Variants in GPD2 observed in about 807,000 individuals in gnomAD.
GPD2 encodes the protein glycerol-3-phosphate dehydrogenase, mitochondrial.
Under a neutral mutation model 82.4 loss-of-function variants are expected in GPD2, and 54 were observed. The observed-to-expected ratio is 0.66, with a 90% CI of 0.53 to 0.82. The LOEUF (loss-of-function observed/expected upper bound fraction) is 0.82. Ranked by LOEUF, GPD2 falls within the 40% of genes least tolerant of loss-of-function variation. The pLI is 0.00. For missense variants in GPD2, 748 were observed against 896.2 expected (o/e 0.83, Z 2.11); for synonymous variants, 288 against 306.1 (o/e 0.94, Z 0.62).
At chr2:156,476,394 T>A (rs1189647979) in intron 2 of GPD2, among the ~76,000 whole-genome samples, 187 bp downstream of exon 2, 3 of 152,238 alleles carry the variant, frequency 2.0e-5, no homozygotes, top group African/African-American at 7.2e-5. Context: ...TCTCCTTTTT[T>A]AAAAAGTGAA....
chr2:156,412,872 G>A, the GPD2 span, among the ~76,000 whole-genome samples: 4 of 152,112 alleles, frequency 2.6e-5, no homozygotes, highest in African/African-American at 9.7e-5. Flanking sequence ...TGAGACAGGT[G>A]GATCAATTAA....
At chr2:156,420,310 T>C in the GPD2 span, among the ~76,000 whole-genome samples, 3 of 152,128 alleles carry the variant, frequency 2.0e-5, no homozygotes, top group Non-Finnish European at 4.4e-5. Flanking sequence ...TGGCTGGGAC[T>C]ACAGGTGTGT....
At position 156,513,559 on chromosome 2, in the gene GPD2, G is replaced by C. The variant is rs1044238852; in HGVS notation, c.661+63G>C. The C allele has an allele frequency of 7.8e-6, 10 of 1,282,394 alleles. No individual in the cohort carries two copies. In the East Asian group the frequency reaches 2.1e-4, roughly 27 times the overall value. The allele number at this position is 1,282,394 out of a possible 1,614,324, so 79.4% of individuals were successfully genotyped here. On this transcript the variant is annotated intron_variant, in intron 6 of 16. Transcript: ENST00000438166. ...TTTTCTCTCACTCATGACCCGTATA[G>C]TGTATTCTTAAGGAGATAGTTTTGC...
intron 3 of GPD2, among the ~76,000 whole-genome samples, chr2:156,504,960 A>G (rs1460474110): frequency 6.6e-6 from 1 of 152,058 alleles, no homozygotes; most frequent in Non-Finnish European, 1.5e-5. Flanking sequence ...GTTTTATTTT[A>G]TTCTCTTTGC....
chr2:156,568,697 G>T lies in GPD2; in HGVS notation c.1166-128G>T, dbSNP rs1687479744. 6.5e-6 allele frequency: 5 copies of T among 764,478 alleles called. No homozygotes were observed. In the Admixed American group the frequency reaches 8.0e-5, roughly 12 times the overall value. The allele number at this position is 764,478 out of a possible 1,614,324, so 47.4% of individuals were successfully genotyped here. A position where few individuals can be genotyped will look rare whatever the true frequency, so the allele number is the denominator to read the frequency against. On this transcript the variant is annotated intron_variant, in intron 9 of 16. Coordinates refer to ENST00000438166, the MANE Select transcript of GPD2 (RefSeq NM_000408.5). ...CCACAAACTTAGTTCTCATCTTTAGGCTTTCTCTCCTTTTTAAAGTGCACA... is the reference window on the plus strand; with the variant it reads ...CCACAAACTTAGTTCTCATCTTTAGTCTTTCTCTCCTTTTTAAAGTGCACA...
chr2:156,557,319 T>C, intron 8 of GPD2, 70 bp from the exon 9 acceptor site: 6 of 935,772 alleles, frequency 6.4e-6, no homozygotes, highest in Non-Finnish European at 1.0e-5. Flanking sequence ...GAATAAATAG[T>C]TTTTCGAATG....
At chr2:156,444,410 T>G (rs1682282253) in intron 1 of GPD2, among the ~76,000 whole-genome samples, 1 of 152,200 alleles carries the variant, frequency 6.6e-6, no homozygotes, top group South Asian at 2.1e-4. Flanking sequence ...GCTGGGATAC[T>G]TATCTAAAAA....
rs1271921662 is a variant in GPD2 at position 156,586,378 on chromosome 2, A to G, written c.*3460A>G. 1 of 152,016 alleles carries G rather than the reference A, an allele frequency of 6.6e-6. No individual in the cohort carries two copies. Among genetic ancestry groups the G allele is most frequent in the Non-Finnish European group, 1.5e-5 (1 of 67,926 alleles). 9.4% of individuals were successfully genotyped at this position (152,016 alleles called of 1,614,324 possible). A position where few individuals can be genotyped will look rare whatever the true frequency, so the allele number is the denominator to read the frequency against. ...CTGTATTTGTGCAATCCTATTCTACAATTACATTCATCCTATTACAACTCA... is the reference window on the plus strand; with the variant it reads ...CTGTATTTGTGCAATCCTATTCTACGATTACATTCATCCTATTACAACTCA... On this transcript the variant is annotated 3_prime_UTR_variant, in exon 17 of 17. Coordinates refer to ENST00000438166, the MANE Select transcript of GPD2 (RefSeq NM_000408.5).
At chr2:156,565,225 C>CAG (rs1219356222) in intron 9 of GPD2, among the ~76,000 whole-genome samples, 4 of 152,116 alleles carry the variant, frequency 2.6e-5, no homozygotes, top group African/African-American at 9.7e-5. Context: ...AGGAATTTCA[C>CAG]AGACACTAGA....
intron 6 of GPD2, 89 bp from the exon 7 acceptor site, chr2:156,549,519 G>A (rs1304783157): frequency 9.1e-6 from 10 of 1,103,810 alleles, no homozygotes; most frequent in Non-Finnish European, 1.4e-5. Flanking sequence ...AGGGACAGAT[G>A]TGACATATCT....
chr2:156,583,260 C>A lies in GPD2; in HGVS notation c.*342C>A. ...GAGTTCTAAAAACATAATATTTTGG[C>A]AAAAATTGAAAAAAGCTGGAGACAT... On this transcript the variant is annotated 3_prime_UTR_variant, in exon 17 of 17. Coordinates refer to ENST00000438166, the MANE Select transcript of GPD2 (RefSeq NM_000408.5). 5 of 307,826 alleles carry A rather than the reference C, an allele frequency of 1.6e-5. No individual in the cohort carries two copies. Among genetic ancestry groups the A allele is most frequent in the Non-Finnish European group, 2.5e-5 (4 of 157,462 alleles). 19.1% of individuals were successfully genotyped at this position (307,826 alleles called of 1,614,324 possible).
chr2:156,477,516 A>ATT (rs1683556245), intron 2 of GPD2, among the ~76,000 whole-genome samples: 1 of 152,116 alleles, frequency 6.6e-6, no homozygotes, highest in Admixed American at 6.5e-5. Context: ...CAACAAGCCA[A>ATT]TTTTTATGTG....
intron 1 of GPD2, among the ~76,000 whole-genome samples, chr2:156,462,453 A>ATT (rs35159143): frequency 1.5e-4 from 18 of 118,172 alleles, no homozygotes; most frequent in African/African-American, 4.5e-4. Flanking sequence ...ACCCGGATAC[A>ATT]TTTTTTTTTT....
chr2:156,401,421 CTCTT>C, the GPD2 span, among the ~76,000 whole-genome samples: 1 of 152,180 alleles, frequency 6.6e-6, no homozygotes, highest in Non-Finnish European at 1.5e-5. Context: ...TTCTGAAACT[CTCTT>C]TGGTGAAGGA....
At chr2:156,436,159 C>T (rs1007697827), upstream of GPD2, among the ~76,000 whole-genome samples, 4 of 152,212 alleles carry the variant, frequency 2.6e-5, no homozygotes, top group African/African-American at 9.6e-5. Context: ...CTCCCACACC[C>T]CCGCCAACCC....
intron 1 of GPD2, among the ~76,000 whole-genome samples, chr2:156,443,443 A>G (rs1440642080): frequency 6.6e-6 from 1 of 152,186 alleles, no homozygotes; most frequent in Non-Finnish European, 1.5e-5. Flanking sequence ...CAATTCAGCA[A>G]TAAGTGATAA....
chr2:156,571,754 ACG>A (rs1221998915), intron 13 of GPD2, among the ~76,000 whole-genome samples: 2 of 149,896 alleles, frequency 1.3e-5, no homozygotes, highest in Non-Finnish European at 3.0e-5. Flanking sequence ...ACACACACAC[ACG>A]CACAACACAT....
At chr2:156,467,666 TG>T (rs1452607806) in intron 1 of GPD2, among the ~76,000 whole-genome samples, 1 of 152,242 alleles carries the variant, frequency 6.6e-6, no homozygotes, top group East Asian at 1.9e-4. Context: ...GATTGTCTTT[TG>T]TGAAGAACCC....
the GPD2 span, among the ~76,000 whole-genome samples, chr2:156,414,830 T>C: frequency 6.6e-6 from 1 of 152,200 alleles, no homozygotes; most frequent in Admixed American, 6.5e-5. Context: ...TCCATAAATA[T>C]TCTAAATAAC....
Sources: gnomAD v4.1 joint callset for allele counts (sites outside exome capture counted in the v4.1 genomes callset) on GRCh38, gnomAD v4.1.1 for gene constraint, MANE v1.5 for transcripts, NCBI Gene and HGNC (gene_info 2026-07-23, HGNC 2026-07-21) for gene names.